Variants in ACTA2 observed in about 807,000 individuals in gnomAD.
ACTA2 encodes the protein actin, aortic smooth muscle.
ACTA2 carries 12 observed loss-of-function variants against 39.5 expected under a neutral mutation model. The ratio of observed to expected loss-of-function variants is 0.30; its 90% CI spans 0.19 to 0.49. ACTA2 has a LOEUF of 0.49. Among genes scored for constraint, ACTA2 ranks in the 20% least tolerant of loss-of-function variants. ACTA2 has a pLI of 0.99. For missense variants in ACTA2, 236 were observed against 498.8 expected (o/e 0.47, Z 5.02); for synonymous variants, 158 against 180.6 (o/e 0.88, Z 1.00).
intron 1 of ACTA2, among the ~76,000 whole-genome samples, chr10:88,972,430 T>C (rs1846468221): frequency 6.6e-6 from 1 of 152,242 alleles, no homozygotes; most frequent in African/African-American, 2.4e-5. Flanking sequence ...TTTTAGTCTG[T>C]TAATATTTAA....
intron 1 of ACTA2, among the ~76,000 whole-genome samples, chr10:88,964,999 C>A (rs1244731592): frequency 6.6e-6 from 1 of 152,092 alleles, no homozygotes; most frequent in Non-Finnish European, 1.5e-5. Context: ...TAGTCCAGCC[C>A]TGTGTATTCT....
intron 1 of ACTA2, chr10:88,974,374 T>C (rs1384966986): frequency 6.6e-6 from 1 of 152,216 alleles, no homozygotes; most frequent in African/African-American, 2.4e-5. Flanking sequence ...TGGTACTTTA[T>C]GTATTAAAAG....
upstream of ACTA2, among the ~76,000 whole-genome samples, chr10:88,955,632 A>G (rs908826096): frequency 5.3e-5 from 8 of 152,192 alleles, no homozygotes; most frequent in African/African-American, 1.7e-4. Flanking sequence ...GACACTTTCT[A>G]TGAAGGTCTA....
chr10:88,981,633 T>G (rs1235614822), intron 1 of ACTA2, among the ~76,000 whole-genome samples: 2 of 151,968 alleles, frequency 1.3e-5, no homozygotes, highest in African/African-American at 4.8e-5. Flanking sequence ...AGCAGTGGGG[T>G]GGGCAGAGTG....
upstream of ACTA2, among the ~76,000 whole-genome samples, chr10:88,953,216 G>A (rs542434072): frequency 7.2e-5 from 11 of 152,266 alleles, no homozygotes; most frequent in South Asian, 4.1e-4. Flanking sequence ...CTTCTACCAC[G>A]GTAGCATGCA....
intron 1 of ACTA2, among the ~76,000 whole-genome samples, chr10:88,981,858 C>A (rs7082101): frequency 0.55 from 83,583 of 152,068 alleles, 24,513 homozygotes; most frequent in African/African-American, 0.77. Flanking sequence ...AAAAGACAGG[C>A]ATTATCATGA....
chr10:88,958,858 G>C (rs1393524129), intron 1 of ACTA2, among the ~76,000 whole-genome samples: 2 of 152,102 alleles, frequency 1.3e-5, no homozygotes, highest in African/African-American at 2.4e-5. Flanking sequence ...CGGTCCTCGG[G>C]GGGAAGGGAG....
At chr10:88,987,453 T>C (rs1846936228) in intron 1 of ACTA2, among the ~76,000 whole-genome samples, 1 of 152,226 alleles carries the variant, frequency 6.6e-6, no homozygotes, top group Admixed American at 6.5e-5. Flanking sequence ...TCTACCAACC[T>C]TGATCTTTCA....
At chr10:88,961,071 A>G (rs1295036712) in intron 1 of ACTA2, among the ~76,000 whole-genome samples, 1 of 152,188 alleles carries the variant, frequency 6.6e-6, no homozygotes, top group African/African-American at 2.4e-5. Flanking sequence ...GAGAATGCTT[A>G]GTCAGAAGTG....
Position 88,946,314 on chromosome 10 carries a change from C to G in ACTA2, c.258+944G>C, listed in dbSNP as rs369150601. Among the ~76,000 whole-genome samples the G allele has an allele frequency of 3.5e-4, 43 of 122,126 alleles. 1 individual carries two copies. The East Asian group carries it at 7.3e-3, about 21-fold the overall frequency. 80.1% of individuals were successfully genotyped at this position (122,126 alleles called of 152,430 possible). ...TTTTTTCAGTAGAAACAGGGTTTTG[C>G]TATGTTGCTCAGGCTGGTCTCAAAC... On this transcript the variant is annotated intron_variant, in intron 3 of 8. Transcript: ENST00000224784.
intron 1 of ACTA2, among the ~76,000 whole-genome samples, chr10:88,988,548 T>A (rs925930050): frequency 6.6e-5 from 10 of 152,114 alleles, no homozygotes; most frequent in Non-Finnish European, 5.9e-5. Flanking sequence ...TTAACTTATA[T>A]GGTATGGTTT....
chr10:88,990,558 A>C lies in ACTA2; in HGVS notation c.-24+381T>G, dbSNP rs2133381361. 1 of 640,482 alleles carries C rather than the reference A, an allele frequency of 1.6e-6. No individual in the cohort carries two copies. The highest frequency in any genetic ancestry group is 1.8e-5 in the African/African-American group (1 of 56,314). 39.7% of individuals were successfully genotyped at this position (640,482 alleles called of 1,614,324 possible). A position where few individuals can be genotyped will look rare whatever the true frequency, so the allele number is the denominator to read the frequency against. On this transcript the variant is annotated intron_variant, in intron 1 of 4. Coordinates refer to the ACTA2 transcript ENST00000415557. This position sits in a 1 kb window ranked among gnomAD's most constrained non-coding sequence, Gnocchi z 4.9. Reference sequence around the variant, plus strand: ...TACCCGCGCGCAGGCCAAGTTGCTGAATCAATGGAGCCCTCCCCAACCCGG... The same window carrying C: ...TACCCGCGCGCAGGCCAAGTTGCTGCATCAATGGAGCCCTCCCCAACCCGG...
chr10:88,956,645 A>G (rs1846143656), upstream of ACTA2, among the ~76,000 whole-genome samples: 1 of 152,136 alleles, frequency 6.6e-6, no homozygotes, highest in Non-Finnish European at 1.5e-5. Context: ...CTCACCACCC[A>G]ATGTGTTTGC....
intron 5 of ACTA2, 87 bp from the exon 6 acceptor site, chr10:88,941,477 G>C (rs981340302): frequency 1.2e-5 from 18 of 1,538,936 alleles, no homozygotes; most frequent in African/African-American, 8.2e-5. Context: ...TTGGGGGAGA[G>C]GGAATTTCCG....
chr10:88,970,661 T>C (rs1027989660), intron 1 of ACTA2, among the ~76,000 whole-genome samples: 3 of 152,082 alleles, frequency 2.0e-5, no homozygotes, highest in African/African-American at 7.2e-5. Context: ...TGGTTGGGAA[T>C]TGAACAATGA....
intron 7 of ACTA2, among the ~76,000 whole-genome samples, chr10:88,938,860 C>G (rs1266308570): frequency 6.6e-6 from 1 of 152,102 alleles, no homozygotes; most frequent in African/African-American, 2.4e-5. Context: ...ATAGCACTAC[C>G]TGATTATTAA....
At chr10:88,973,436 T>C in intron 1 of ACTA2, 1 of 1,112,564 alleles carries the variant, frequency 9.0e-7, no homozygotes, top group Non-Finnish European at 1.2e-6. Context: ...CCATTATCTC[T>C]GCCTTTCCTT....
chr10:88,952,599 T>G (rs923417003), intron 1 of ACTA2, 132 bp downstream of exon 1: 6 of 152,224 alleles, frequency 3.9e-5, no homozygotes, highest in Non-Finnish European at 8.8e-5. Flanking sequence ...ATCATTTTAG[T>G]AGTACAATCT....
chr10:88,976,070 A>G (rs1339079667), intron 1 of ACTA2, among the ~76,000 whole-genome samples: 1 of 152,192 alleles, frequency 6.6e-6, no homozygotes, highest in African/African-American at 2.4e-5. Flanking sequence ...TACTATTATC[A>G]ATTAGTTATA....
Sources: gnomAD v4.1 joint callset for allele counts (sites outside exome capture counted in the v4.1 genomes callset) on GRCh38, gnomAD v4.1.1 for gene constraint, Gnocchi (gnomAD v3.1) non-coding constraint, MANE v1.5 for transcripts, NCBI Gene and HGNC (gene_info 2026-07-23, HGNC 2026-07-21) for gene names.